RABGAP1: variants seen among roughly 807,000 people sequenced by gnomAD.
The protein encoded by RABGAP1 is rab GTPase-activating protein 1.
Under a neutral mutation model 137.6 loss-of-function variants are expected in RABGAP1, and 23 were observed. The ratio of observed to expected loss-of-function variants is 0.17; its 90% CI spans 0.12 to 0.24. The LOEUF (loss-of-function observed/expected upper bound fraction) is 0.24. Among genes scored for constraint, RABGAP1 ranks in the 10% least tolerant of loss-of-function variants. The pLI is 1.00. For missense variants in RABGAP1, 906 were observed against 1,275.8 expected (o/e 0.71, Z 4.42); for synonymous variants, 451 against 450.7 (o/e 1.00, Z -0.01).
At chr9:123,040,927 G>T (rs1419214727) in intron 13 of RABGAP1, among the ~76,000 whole-genome samples, 1 of 152,118 alleles carries the variant, frequency 6.6e-6, no homozygotes, top group East Asian at 1.9e-4. Flanking sequence ...AACCAGCCCA[G>T]TGGCCACTGG....
intron 15 of RABGAP1, chr9:123,071,401 T>G (rs1043163272): frequency 6.6e-6 from 1 of 152,256 alleles, no homozygotes; most frequent in Non-Finnish European, 1.5e-5. Flanking sequence ...TCTCATTTTC[T>G]CATGATTCAG....
At chr9:122,938,412 C>T, upstream of RABGAP1, 1 of 152,208 alleles carries the variant, frequency 6.6e-6, no homozygotes, top group East Asian at 1.9e-4. Flanking sequence ...ACACCAGCCC[C>T]ACATTCCATT....
At chr9:123,074,471 G>A (rs1486299177) in intron 17 of RABGAP1, 43 bp downstream of exon 17, 1 of 1,544,182 alleles carries the variant, frequency 6.5e-7, no homozygotes, top group East Asian at 2.3e-5. Flanking sequence ...TGTTTGCAGT[G>A]TACTTGAGGA....
At chr9:123,049,903 C>T (rs192341886) in intron 13 of RABGAP1, among the ~76,000 whole-genome samples, 1 of 152,296 alleles carries the variant, frequency 6.6e-6, no homozygotes, top group Admixed American at 6.5e-5. Flanking sequence ...GGGACCATTG[C>T]ATAGATTTTA....
At chr9:123,001,948 G>A (rs746615413) in intron 10 of RABGAP1, among the ~76,000 whole-genome samples, 3 of 152,100 alleles carry the variant, frequency 2.0e-5, no homozygotes, top group Non-Finnish European at 4.4e-5. Flanking sequence ...GTGAGCCCCG[G>A]GAGAAGAACG....
upstream of RABGAP1, chr9:122,938,149 C>A (rs75574845): frequency 6.6e-6 from 1 of 152,090 alleles, no homozygotes. Context: ...CCTGTTCCTT[C>A]GTTTTACCTC....
At chr9:123,021,811 A>G (rs1438103770) in intron 13 of RABGAP1, among the ~76,000 whole-genome samples, 6 of 152,222 alleles carry the variant, frequency 3.9e-5, no homozygotes, top group Non-Finnish European at 7.3e-5. Flanking sequence ...AACTGTTACA[A>G]CCACAGTGTT....
chr9:123,054,164 C>T (rs1357902291), intron 13 of RABGAP1, among the ~76,000 whole-genome samples: 1 of 152,130 alleles, frequency 6.6e-6, no homozygotes, highest in Admixed American at 6.5e-5. Context: ...AGAGCTTCAC[C>T]ACTGCTTTAT....
At chr9:123,015,502 G>GCCAT (rs1270232316) in intron 11 of RABGAP1, 41 bp from the exon 12 acceptor site, 2 of 1,303,596 alleles carry the variant, frequency 1.5e-6, no homozygotes, top group African/African-American at 2.9e-5. Context: ...GGCTAGCATA[G>GCCAT]CCATCTCTGT....
chr9:123,001,484 A>AT (rs1837323921), intron 10 of RABGAP1, among the ~76,000 whole-genome samples: 1 of 152,196 alleles, frequency 6.6e-6, no homozygotes, highest in Non-Finnish European at 1.5e-5. Flanking sequence ...TATTGGGTAT[A>AT]TTTAGAAAAA....
At chr9:123,057,103 G>T (rs1306255733) in intron 13 of RABGAP1, among the ~76,000 whole-genome samples, 3 of 147,626 alleles carry the variant, frequency 2.0e-5, no homozygotes, top group Admixed American at 6.7e-5. Context: ...CCGGGCGGGG[G>T]GCTGACCCCC....
At chr9:123,056,946 A>G (rs911495778) in intron 13 of RABGAP1, among the ~76,000 whole-genome samples, 4 of 152,218 alleles carry the variant, frequency 2.6e-5, no homozygotes, top group African/African-American at 9.6e-5. Flanking sequence ...TCTATTCCAC[A>G]AAACCGCCAT....
the RABGAP1 span, among the ~76,000 whole-genome samples, chr9:122,933,626 T>A: frequency 2.6e-3 from 397 of 151,948 alleles, 1 homozygote; most frequent in Middle Eastern, 0.014. Flanking sequence ...CTACTTTTTG[T>A]AAATTATTAT....
chr9:123,065,473 C>CAAA lies in RABGAP1; in HGVS notation c.1908+21_1908+23dup. On this transcript the variant is annotated intron_variant, in intron 14 of 25. Coordinates refer to ENST00000373647, the MANE Select transcript of RABGAP1 (RefSeq NM_012197.4). Reference sequence around the variant, plus strand: ...ATAAAATATGCAAGGTATTTCATGTCAAAAAAAAAAAGGACTCAATTCTGA... The same window carrying CAAA: ...ATAAAATATGCAAGGTATTTCATGTCAAAAAAAAAAAAAAGGACTCAATTCTGA... 3 of 1,162,772 alleles carry CAAA rather than the reference C, an allele frequency of 2.6e-6. No homozygotes were observed. The highest frequency in any genetic ancestry group is 3.6e-6 in the Non-Finnish European group (3 of 837,292). 72.0% of individuals were successfully genotyped at this position (1,162,772 alleles called of 1,614,324 possible).
At chr9:123,018,797 G>A (rs913577850) in intron 12 of RABGAP1, among the ~76,000 whole-genome samples, 3 of 152,158 alleles carry the variant, frequency 2.0e-5, no homozygotes, top group Admixed American at 2.0e-4. Context: ...AAAATCACAG[G>A]CCTTTTTATA....
chr9:123,097,977 C>G, intron 22 of RABGAP1, 132 bp downstream of exon 22: 1 of 677,588 alleles, frequency 1.5e-6, no homozygotes, highest in Non-Finnish European at 2.4e-6. Context: ...CTTTTTTTTT[C>G]CCCCTACTGT....
At chr9:123,033,420 C>G (rs779941694) in intron 13 of RABGAP1, 9 of 152,198 alleles carry the variant, frequency 5.9e-5, no homozygotes, top group Non-Finnish European at 1.2e-4. Flanking sequence ...GACGAGGAAA[C>G]AGCCTTCAAA....
chr9:122,987,436 A>G (rs1025014702), intron 4 of RABGAP1, among the ~76,000 whole-genome samples: 1 of 152,192 alleles, frequency 6.6e-6, no homozygotes, highest in South Asian at 2.1e-4. Flanking sequence ...GCATATTGGT[A>G]TATGTATATG....
At chr9:122,937,029 C>T (rs528145912), upstream of RABGAP1, among the ~76,000 whole-genome samples, 4 of 152,246 alleles carry the variant, frequency 2.6e-5, no homozygotes, top group South Asian at 2.1e-4. Flanking sequence ...CAATTTTCAA[C>T]AACAACAAAT....
Sources: gnomAD v4.1 joint callset for allele counts (sites outside exome capture counted in the v4.1 genomes callset) on GRCh38, gnomAD v4.1.1 for gene constraint, MANE v1.5 for transcripts, NCBI Gene and HGNC (gene_info 2026-07-23, HGNC 2026-07-21) for gene names.